Variants in BIN1 observed in about 807,000 individuals in gnomAD.
BIN1 encodes the protein myc box-dependent-interacting protein 1.
In BIN1, 53 loss-of-function variants were observed where a neutral mutation model predicts 82.0. The observed-to-expected ratio is 0.65, with a 90% confidence interval of 0.52 to 0.81. The LOEUF is 0.81. Among genes scored for constraint, BIN1 ranks in the 40% least tolerant of loss-of-function variants. BIN1 has a pLI of 0.00. For synonymous variants in BIN1, 302 were observed against 328.0 expected (o/e 0.92, Z 0.86); for missense variants, 642 against 784.4 (o/e 0.82, Z 2.17).
intron 2 of BIN1, among the ~76,000 whole-genome samples, chr2:127,073,833 C>T (rs1686242264): frequency 6.6e-6 from 1 of 152,168 alleles, no homozygotes; most frequent in Admixed American, 6.5e-5. Context: ...GCCCTGGAGA[C>T]CCAGGATGGC....
Position 127,067,397 on chromosome 2 carries a change from G to A in BIN1, c.612+766C>T, listed in dbSNP as rs1180620935. ...TCCCTGGCCACACTGTAACCCATTT[G>A]GAGGGCAGGGGGCTGAGAAGACCAT... On this transcript the variant is annotated intron_variant, in intron 7 of 18. Coordinates refer to ENST00000316724, the MANE Select transcript of BIN1 (RefSeq NM_139343.3). This position sits in a 1 kb window ranked among gnomAD's most constrained non-coding sequence, Gnocchi z 4.7. 2.6e-5 allele frequency among the ~76,000 whole-genome samples: 4 copies of A among 152,224 alleles called. No homozygotes were observed. In the East Asian group the frequency reaches 7.7e-4, roughly 29 times the overall value.
intron 7 of BIN1, 114 bp from the exon 8 acceptor site, chr2:127,064,132 C>A (rs923687550): frequency 1.6e-6 from 2 of 1,244,420 alleles, no homozygotes; most frequent in Admixed American, 1.9e-5. Flanking sequence ...GGGACCAGGG[C>A]TCCGGGCAAG....
chr2:127,065,804 G>A (rs552194912), intron 7 of BIN1, among the ~76,000 whole-genome samples: 5 of 152,328 alleles, frequency 3.3e-5, no homozygotes, highest in East Asian at 3.9e-4. Context: ...GGACAGTTCC[G>A]CTTGAGTTCC....
intron 1 of BIN1, among the ~76,000 whole-genome samples, chr2:127,080,541 C>A (rs1029303501): frequency 3.9e-5 from 6 of 152,228 alleles, no homozygotes; most frequent in African/African-American, 1.4e-4. Flanking sequence ...ACTTATCACG[C>A]ACACTCACTC....
At chr2:127,065,752 C>A (rs765588457) in intron 7 of BIN1, among the ~76,000 whole-genome samples, 2 of 152,214 alleles carry the variant, frequency 1.3e-5, no homozygotes, top group African/African-American at 4.8e-5. Flanking sequence ...TGCACCCAGC[C>A]GTGCTCTCAC....
At chr2:127,053,371 C>T (rs775174601) in intron 14 of BIN1, 51 bp downstream of exon 14, 22 of 1,610,826 alleles carry the variant, frequency 1.4e-5, no homozygotes, top group Middle Eastern at 1.6e-4. Flanking sequence ...TGGACACATA[C>T]GGAAGAGTGG....
At chr2:127,066,877 C>A (rs1197390050) in intron 7 of BIN1, among the ~76,000 whole-genome samples, 1 of 152,078 alleles carries the variant, frequency 6.6e-6, no homozygotes, top group Non-Finnish European at 1.5e-5. Context: ...TCAAGACCAG[C>A]CTGGGCAACA....
intron 1 of BIN1, among the ~76,000 whole-genome samples, chr2:127,105,120 A>G (rs768880368): frequency 2.8e-4 from 42 of 152,196 alleles, no homozygotes; most frequent in Non-Finnish European, 5.9e-4. Flanking sequence ...TGGAGGGGAC[A>G]CAGCCCTTGC....
rs1682806715 is a variant in BIN1 at position 127,050,690 on chromosome 2, C to T, written c.1572+112G>A. On this transcript the variant is annotated intron_variant, in intron 17 of 18. Coordinates refer to ENST00000316724, the MANE Select transcript of BIN1 (RefSeq NM_139343.3). Reference sequence around the variant, plus strand: ...TGCCACCTTGCTGGCTGGGAGTGACCTAGTAGCGCCTGCACAACTTTGGGC... The same window carrying T: ...TGCCACCTTGCTGGCTGGGAGTGACTTAGTAGCGCCTGCACAACTTTGGGC... 5.8e-6 allele frequency: 8 copies of T among 1,373,540 alleles called. No homozygotes were observed. The South Asian group carries it at 9.5e-5, about 16-fold the overall frequency. The allele number at this position is 1,373,540 out of a possible 1,614,324, so 85.1% of individuals were successfully genotyped here. A position where few individuals can be genotyped will look rare whatever the true frequency, so the allele number is the denominator to read the frequency against.
rs528368835 is a variant in BIN1 at position 127,053,263 on chromosome 2, T to C, written c.1263+159A>G. 3.8e-5 allele frequency: 42 copies of C among 1,102,276 alleles called. 1 individual carries two copies. In the African/African-American group the frequency reaches 5.0e-4, roughly 13 times the overall value. 68.3% of individuals were successfully genotyped at this position (1,102,276 alleles called of 1,614,324 possible). On this transcript the variant is annotated intron_variant, in intron 14 of 18. Coordinates refer to ENST00000316724, the MANE Select transcript of BIN1 (RefSeq NM_139343.3). ...GCAGAATGGCTGGAGGCGGGTGGCT[T>C]CACCAGCTCCCTGTGCGTGAGCACG...
chr2:127,062,160 T>C lies in BIN1; in HGVS notation c.812A>G (p.Glu271Gly), dbSNP rs1234805815. 6.2e-7 allele frequency: 1 copy of C among 1,610,798 alleles called. No individual in the cohort carries two copies. Among genetic ancestry groups the C allele is most frequent in the South Asian group, 1.1e-5 (1 of 90,166 alleles). ...QNLNDVLVGL[E>G]KQHGSNTFTV... is the part of the protein sequence containing the mutation. ...GAAGGTGTTGCTCCCGTGTTGCTTC[T>C]CCAGGCCGACCAGCACATCATTGAG... The change falls in exon 10 of 19, where the codon GAG becomes GGG. Residue 271 changes from glutamate to glycine, a missense_variant. Coordinates refer to ENST00000316724, the MANE Select transcript of BIN1 (RefSeq NM_139343.3).
At chr2:127,070,732 C>A (rs370497467) in intron 3 of BIN1, 30 bp downstream of exon 3, 2 of 1,613,920 alleles carry the variant, frequency 1.2e-6, no homozygotes, top group Middle Eastern at 1.7e-4. Flanking sequence ...CAGCTCTACA[C>A]GGGCCAGGTG....
chr2:127,100,999 CG>C lies in BIN1; in HGVS notation c.84+5860del, dbSNP rs1553487375. Among the ~76,000 whole-genome samples, 45 of 101,728 alleles carry C rather than the reference CG, an allele frequency of 4.4e-4. 4 individuals are homozygous for C. Among genetic ancestry groups the C allele is most frequent in the Admixed American group, 3.6e-3 (38 of 10,562 alleles). The allele number at this position is 101,728 out of a possible 152,430, so 66.7% of individuals were successfully genotyped here. ...AGACTTGCCCAAGGGTAGGAATGTG[CG>C]GGGGGTGGGGATAGACTCAAACTCA... On this transcript the variant is annotated intron_variant, in intron 1 of 18. Transcript: ENST00000316724.
chr2:127,053,755 C>A, intron 13 of BIN1, 150 bp downstream of exon 13: 1 of 791,906 alleles, frequency 1.3e-6, no homozygotes, highest in African/African-American at 1.7e-5. Flanking sequence ...TGCCCTACAA[C>A]CAGGAGGTGA....
At chr2:127,105,421 C>A (rs1186665130) in intron 1 of BIN1, among the ~76,000 whole-genome samples, 1 of 151,106 alleles carries the variant, frequency 6.6e-6, no homozygotes, top group Non-Finnish European at 1.5e-5. Context: ...CACCCCACAA[C>A]CTGAAGTCTT....
intron 11 of BIN1, 128 bp downstream of exon 11, chr2:127,058,883 G>T: frequency 1.4e-6 from 2 of 1,402,346 alleles, no homozygotes; most frequent in Non-Finnish European, 9.6e-7. Context: ...CCCCCACTGG[G>T]CAAAGCATCG....
chr2:127,069,300 C>T (rs1318592677), intron 5 of BIN1, among the ~76,000 whole-genome samples: 1 of 152,164 alleles, frequency 6.6e-6, no homozygotes, highest in Admixed American at 6.5e-5. Flanking sequence ...TTTTCCTTGG[C>T]CTGGCCCCTG....
intron 7 of BIN1, 144 bp from the exon 8 acceptor site, chr2:127,064,162 T>C: frequency 1.1e-6 from 1 of 908,012 alleles, no homozygotes. Flanking sequence ...GAACTGGATG[T>C]GGACACCCAT....
chr2:127,106,169 C>T (rs553076093), intron 1 of BIN1, among the ~76,000 whole-genome samples: 2 of 152,380 alleles, frequency 1.3e-5, no homozygotes, highest in South Asian at 2.1e-4. Flanking sequence ...CCACCCGCTC[C>T]CCGGCCGCCG....
Sources: allele counts gnomAD v4.1 joint callset (sites outside exome capture counted in the v4.1 genomes callset), GRCh38; gene constraint gnomAD v4.1.1; non-coding constraint Gnocchi (gnomAD v3.1); transcripts MANE v1.5; gene names NCBI Gene and HGNC (gene_info 2026-07-23, HGNC 2026-07-21).